The following ATP11A variants were observed in gnomAD, a reference collection of about 807,000 sequenced individuals.
ATP11A encodes phospholipid-transporting ATPase IH.
ATP11A carries 81 observed loss-of-function variants against 154.4 expected under a neutral mutation model. The ratio of observed to expected loss-of-function variants is 0.52; its 90% CI spans 0.44 to 0.63. The LOEUF is 0.63. ATP11A is among the 30% of genes least tolerant of loss of function. The pLI, the probability that ATP11A is intolerant of heterozygous loss-of-function variation, is 0.00. For missense variants in ATP11A, 1,316 were observed against 1,474.3 expected (o/e 0.89, Z 1.76); for synonymous variants, 623 against 585.9 (o/e 1.06, Z -0.91).
intron 12 of ATP11A, among the ~76,000 whole-genome samples, chr13:112,829,918 CAA>C (rs2079042383): frequency 6.6e-6 from 1 of 152,210 alleles, no homozygotes. Context: ...AAAAAGAAAT[CAA>C]AGACTTTAAT....
chr13:112,870,085 C>G (rs1429238518), intron 25 of ATP11A, among the ~76,000 whole-genome samples: 13 of 152,114 alleles, frequency 8.5e-5, no homozygotes, highest in African/African-American at 2.9e-4. Flanking sequence ...ATGTGTAGAT[C>G]TGAGTGACAC....
chr13:112,856,382 T>G, intron 20 of ATP11A: 3 of 200,466 alleles, frequency 1.5e-5, no homozygotes, highest in South Asian at 3.1e-4. Context: ...CAATCACTCC[T>G]GAGAATCTAC....
At chr13:112,744,135 G>A (rs1481630610) in intron 1 of ATP11A, among the ~76,000 whole-genome samples, 1 of 152,224 alleles carries the variant, frequency 6.6e-6, no homozygotes, top group Non-Finnish European at 1.5e-5. Context: ...CAGTGGTCAA[G>A]AAAGTTAAAA....
At chr13:112,766,195 C>G (rs1301205439) in intron 1 of ATP11A, among the ~76,000 whole-genome samples, 2 of 152,090 alleles carry the variant, frequency 1.3e-5, no homozygotes, top group Non-Finnish European at 2.9e-5. Context: ...ACGAGGCAAT[C>G]TCTGCCTCTC....
chr13:112,847,278 T>G (rs1056047395), intron 17 of ATP11A, among the ~76,000 whole-genome samples: 1 of 152,242 alleles, frequency 6.6e-6, no homozygotes, highest in South Asian at 2.1e-4. Flanking sequence ...CGAGTCCAGT[T>G]AATTTCTCCT....
Position 112,720,887 on chromosome 13 carries a change from G to A in ATP11A, c.39+30432G>A, listed in dbSNP as rs144021802. Among the ~76,000 whole-genome samples the A allele has an allele frequency of 1.5e-3, 224 of 152,304 alleles. 4 individuals are homozygous for A. The highest frequency in any genetic ancestry group is 2.9e-3 in the East Asian group (15 of 5,172). On this transcript the variant is annotated intron_variant, in intron 1 of 29. Coordinates refer to ENST00000375645, the MANE Select transcript of ATP11A (RefSeq NM_015205.3). ...CCTAAAATCCAAATGGGAGGGGCCAGGCGTGTTCAACCTCCCTTATGTCGT... is the reference window on the plus strand; with the variant it reads ...CCTAAAATCCAAATGGGAGGGGCCAAGCGTGTTCAACCTCCCTTATGTCGT...
chr13:112,779,321 C>T (rs548652503), intron 1 of ATP11A, among the ~76,000 whole-genome samples: 342 of 117,546 alleles, frequency 2.9e-3, no homozygotes, highest in Middle Eastern at 9.9e-3. Flanking sequence ...GAGGAGTAGC[C>T]GCTGGAGTGA....
intron 24 of ATP11A, among the ~76,000 whole-genome samples, chr13:112,862,104 C>A (rs1157730780): frequency 6.6e-6 from 1 of 152,272 alleles, no homozygotes; most frequent in African/African-American, 2.4e-5. Context: ...TAAGGTGTCA[C>A]AAGCTCGGTG....
intron 27 of ATP11A, among the ~76,000 whole-genome samples, chr13:112,874,355 G>A (rs1450306225): frequency 2.0e-5 from 3 of 152,244 alleles, no homozygotes; most frequent in Non-Finnish European, 4.4e-5. Flanking sequence ...CGAGGCTGTC[G>A]TGGTCAGTCG....
intron 12 of ATP11A, among the ~76,000 whole-genome samples, chr13:112,829,365 A>G (rs1368040318): frequency 6.6e-6 from 1 of 152,254 alleles, no homozygotes; most frequent in Admixed American, 6.5e-5. Context: ...TCAGCAGCAT[A>G]CAAAAGGATC....
At position 112,779,383 on chromosome 13, in the gene ATP11A, T is replaced by TGAG. The variant is rs1555323104; in HGVS notation, c.40-5751_40-5749dup. On this transcript the variant is annotated intron_variant, in intron 1 of 29. Transcript: ENST00000375645. ...CTGGAGTGAGGAGTAGCCGCTGGAG[T>TGAG]GAGTAGCCGCTGGAGTGAGGAGTAG... 1.5e-3 allele frequency among the ~76,000 whole-genome samples: 110 copies of TGAG among 75,066 alleles called. 1 individual carries two copies. The highest frequency in any genetic ancestry group is 3.2e-3 in the African/African-American group (55 of 17,034). 49.2% of individuals were successfully genotyped at this position (75,066 alleles called of 152,430 possible).
At chr13:112,783,775 T>G (rs2077556215) in intron 1 of ATP11A, among the ~76,000 whole-genome samples, 1 of 152,250 alleles carries the variant, frequency 6.6e-6, no homozygotes, top group African/African-American at 2.4e-5. Context: ...GGATTTCCCG[T>G]TACGAGCTAA....
chr13:112,832,458 C>G (rs1346299338), intron 13 of ATP11A, among the ~76,000 whole-genome samples: 1 of 152,174 alleles, frequency 6.6e-6, no homozygotes, highest in East Asian at 1.9e-4. Flanking sequence ...GAGAACGTCC[C>G]CATCGCACAG....
At chr13:112,839,917 T>C (rs2079347573) in intron 16 of ATP11A, among the ~76,000 whole-genome samples, 1 of 152,182 alleles carries the variant, frequency 6.6e-6, no homozygotes, top group Non-Finnish European at 1.5e-5. Flanking sequence ...CTGAACTGTA[T>C]CTGATGAAAC....
In ATP11A at chr13:112,878,046, G is replaced by A. The variant is rs1299833602; in HGVS notation, c.3328-171G>A. 5.9e-5 allele frequency among the ~76,000 whole-genome samples: 9 copies of A among 152,288 alleles called. No homozygotes were observed. In the South Asian group the frequency reaches 6.2e-4, roughly 11 times the overall value. ...GTCACGGTGGGGGGCACCAGTGTCC[G>A]CCCAGAGTGACCAGAAGAACTTGCA... On this transcript the variant is annotated intron_variant, in intron 28 of 29. Coordinates refer to ENST00000375645, the MANE Select transcript of ATP11A (RefSeq NM_015205.3).
intron 17 of ATP11A, 151 bp downstream of exon 17, chr13:112,842,530 G>A (rs2079452088): frequency 5.7e-6 from 4 of 697,704 alleles, no homozygotes; most frequent in African/African-American, 5.3e-5. Flanking sequence ...AGACAGACAG[G>A]CAGCCTCAGC....
At chr13:112,832,781 T>G in intron 13 of ATP11A, 79 bp from the exon 14 acceptor site, 4 of 1,510,214 alleles carry the variant, frequency 2.6e-6, no homozygotes, top group Non-Finnish European at 3.6e-6. Context: ...CCGCTTCTTG[T>G]TATCTCTCTG....
chr13:112,822,470 C>G (rs181080054), intron 8 of ATP11A, among the ~76,000 whole-genome samples: 2 of 152,260 alleles, frequency 1.3e-5, no homozygotes, highest in South Asian at 2.1e-4. Flanking sequence ...ATGTCCCCCC[C>G]ATTCAGAGGA....
rs1040858092 is a variant in ATP11A at position 112,815,947 on chromosome 13, CTT to C, written c.442-133_442-132del. On this transcript the variant is annotated intron_variant, in intron 5 of 29. Transcript: ENST00000375645. ...TCCCAGCAGAATGTCTGGCAAGAGT[CTT>C]TTCCTGAAACCGTGTCCACATCCCC... is the stretch of plus-strand genomic sequence containing the variant. 3.9e-5 allele frequency: 49 copies of C among 1,256,746 alleles called. No individual in the cohort carries two copies. In the African/African-American group the frequency reaches 6.1e-4, roughly 16 times the overall value. 77.8% of individuals were successfully genotyped at this position (1,256,746 alleles called of 1,614,324 possible).
Sources: gnomAD v4.1 joint callset for allele counts (sites outside exome capture counted in the v4.1 genomes callset) on GRCh38, gnomAD v4.1.1 for gene constraint, MANE v1.5 for transcripts, NCBI Gene and HGNC (gene_info 2026-07-23, HGNC 2026-07-21) for gene names.